The following MARCHF3 variants were observed in gnomAD, a reference collection of about 807,000 sequenced individuals.
The protein encoded by MARCHF3 is E3 ubiquitin-protein ligase MARCHF3.
A neutral mutation model predicts 24.2 loss-of-function variants in MARCHF3; 13 were observed. The observed-to-expected ratio is 0.54, with a 90% CI of 0.35 to 0.85. MARCHF3 has a LOEUF of 0.85. Among genes scored for constraint, MARCHF3 ranks in the 40% least tolerant of loss-of-function variants. The probability of loss-of-function intolerance (pLI) is 0.01; values close to 1 mark genes in which losing one functional copy is unlikely to be tolerated. For synonymous variants in MARCHF3, 144 were observed against 137.3 expected, an observed-to-expected ratio of 1.05 and a Z score of -0.34; for missense variants, 276 against 325.0, an observed-to-expected ratio of 0.85 and a Z score of 1.16.
intron 1 of MARCHF3, among the ~76,000 whole-genome samples, chr5:127,024,173 G>C (rs896384829): frequency 1.3e-5 from 2 of 152,222 alleles, no homozygotes; most frequent in Non-Finnish European, 2.9e-5. Context: ...GGACTTTGGA[G>C]ATGGATGGAG....
chr5:126,983,033 G>A (rs1253751132), intron 1 of MARCHF3, among the ~76,000 whole-genome samples: 1 of 152,174 alleles, frequency 6.6e-6, no homozygotes, highest in African/African-American at 2.4e-5. Context: ...TTAAAAGATA[G>A]GAGAAGCAGT....
Position 126,925,850 on chromosome 5 carries a change from T to C in MARCHF3, c.-56-7623A>G, listed in dbSNP as rs1191703833. Among the ~76,000 whole-genome samples, 5 of 152,192 alleles carry C rather than the reference T, an allele frequency of 3.3e-5. No homozygotes were observed. The East Asian group carries it at 9.6e-4, about 29-fold the overall frequency. On this transcript the variant is annotated intron_variant, in intron 1 of 4. Coordinates refer to ENST00000308660, the MANE Select transcript of MARCHF3 (RefSeq NM_178450.5). Reference sequence around the variant, plus strand: ...AGGGATGAAAAATTAAAATGTACTCTTCAAATGATATTCAGTGTGACCAGC... The same window carrying C: ...AGGGATGAAAAATTAAAATGTACTCCTCAAATGATATTCAGTGTGACCAGC...
intron 3 of MARCHF3, among the ~76,000 whole-genome samples, chr5:126,890,858 G>A (rs1353714393): frequency 9.5e-5 from 14 of 147,824 alleles, no homozygotes; most frequent in African/African-American, 2.4e-4. Flanking sequence ...CTGAGGAATC[G>A]CCACACTGAC....
intron 1 of MARCHF3, among the ~76,000 whole-genome samples, chr5:126,972,654 C>T (rs926744880): frequency 2.0e-5 from 3 of 152,230 alleles, no homozygotes; most frequent in African/African-American, 4.8e-5. Context: ...CCATCCACTT[C>T]CACCCCCAAC....
chr5:126,921,053 G>T (rs1320360165), intron 1 of MARCHF3, among the ~76,000 whole-genome samples: 1 of 151,532 alleles, frequency 6.6e-6, no homozygotes, highest in Non-Finnish European at 1.5e-5. Context: ...CTGCATCCAA[G>T]ATCCTCTAAG....
At chr5:126,949,106 C>T (rs1394215546) in intron 1 of MARCHF3, among the ~76,000 whole-genome samples, 1 of 152,120 alleles carries the variant, frequency 6.6e-6, no homozygotes, top group African/African-American at 2.4e-5. Context: ...GGAGGAAATA[C>T]CTTAAAAGAC....
chr5:126,890,280 G>A (rs927715419), intron 3 of MARCHF3, among the ~76,000 whole-genome samples: 19 of 150,594 alleles, frequency 1.3e-4, no homozygotes, highest in African/African-American at 2.7e-4. Context: ...TTGAGGTAAT[G>A]GTATGTTTTC....
intron 1 of MARCHF3, among the ~76,000 whole-genome samples, chr5:126,936,208 G>A (rs1749641720): frequency 6.6e-6 from 1 of 152,078 alleles, no homozygotes; most frequent in African/African-American, 2.4e-5. Context: ...TTTCCTTTTA[G>A]AAACTGATTT....
At chr5:126,906,193 T>C (rs1754287756) in intron 3 of MARCHF3, among the ~76,000 whole-genome samples, 1 of 151,382 alleles carries the variant, frequency 6.6e-6, no homozygotes, top group Non-Finnish European at 1.5e-5. Context: ...ATAAGCTTTT[T>C]GATGTGCTGC....
At chr5:126,992,766 ATTTTTTTTT>A (rs757479478) in intron 1 of MARCHF3, among the ~76,000 whole-genome samples, 1 of 95,522 alleles carries the variant, frequency 1.0e-5, no homozygotes, top group Non-Finnish European at 2.0e-5. Context: ...CATCCACGTG[ATTTTTTTTT>A]TTTTTTTTTT....
At chr5:126,976,971 A>G (rs542008345) in intron 1 of MARCHF3, among the ~76,000 whole-genome samples, 2 of 152,330 alleles carry the variant, frequency 1.3e-5, no homozygotes, top group East Asian at 3.9e-4. Flanking sequence ...AGGAAGGTCT[A>G]TGTATATGAG....
At position 126,975,107 on chromosome 5, in the gene MARCHF3, C is replaced by A. The variant is rs187673777; in HGVS notation, c.-57+55243G>T. Among the ~76,000 whole-genome samples the A allele has an allele frequency of 1.8e-4, 27 of 152,286 alleles. 1 individual carries two copies. In the East Asian group the frequency reaches 5.2e-3, roughly 29 times the overall value. On this transcript the variant is annotated intron_variant, in intron 1 of 4. Coordinates refer to ENST00000308660, the MANE Select transcript of MARCHF3 (RefSeq NM_178450.5). Reference sequence around the variant, plus strand: ...GAGTAGCTGGGACTATAGGCGCATGCCACCACACCCAGCTAATTTTTGTAT... The same window carrying A: ...GAGTAGCTGGGACTATAGGCGCATGACACCACACCCAGCTAATTTTTGTAT...
intron 1 of MARCHF3, among the ~76,000 whole-genome samples, chr5:126,937,889 A>T (rs1015340314): frequency 1.2e-4 from 18 of 152,154 alleles, no homozygotes; most frequent in South Asian, 6.2e-4. Flanking sequence ...CCACAAAAAA[A>T]CTCCTGAGTT....
chr5:126,901,778 C>G (rs778360844), intron 3 of MARCHF3, among the ~76,000 whole-genome samples: 12 of 152,064 alleles, frequency 7.9e-5, no homozygotes, highest in Non-Finnish European at 1.5e-4. Flanking sequence ...CAACCAGGTG[C>G]CTTGTACCCA....
At chr5:127,003,162 G>C (rs1213059702) in intron 1 of MARCHF3, among the ~76,000 whole-genome samples, 6 of 151,962 alleles carry the variant, frequency 3.9e-5, no homozygotes, top group African/African-American at 1.2e-4. Context: ...TGGAAGCTTG[G>C]TAAGTGCGGT....
chr5:126,995,771 G>A (rs1751929972), intron 1 of MARCHF3, among the ~76,000 whole-genome samples: 2 of 152,108 alleles, frequency 1.3e-5, no homozygotes, highest in Admixed American at 1.3e-4. Flanking sequence ...CATTTATTAA[G>A]AATTCACTAA....
intron 4 of MARCHF3, among the ~76,000 whole-genome samples, chr5:126,872,149 G>A (rs1580584355): frequency 7.4e-6 from 1 of 135,976 alleles, no homozygotes; most frequent in African/African-American, 2.8e-5. Flanking sequence ...GCGCGATCTC[G>A]GCTCACCGCA....
intron 1 of MARCHF3, chr5:126,946,359 G>A (rs1451643856): frequency 8.2e-6 from 1 of 121,680 alleles, no homozygotes; most frequent in African/African-American, 3.1e-5. Context: ...GCCATAGAGC[G>A]AGATTCTGTC....
At chr5:126,978,107 T>C (rs774430979) in intron 1 of MARCHF3, among the ~76,000 whole-genome samples, 1 of 152,252 alleles carries the variant, frequency 6.6e-6, no homozygotes, top group Admixed American at 6.5e-5. Flanking sequence ...TTGAGTATTG[T>C]ATGTTGGGAA....
Sources: gnomAD v4.1 joint callset for allele counts (sites outside exome capture counted in the v4.1 genomes callset) on GRCh38, gnomAD v4.1.1 for gene constraint, MANE v1.5 for transcripts, NCBI Gene and HGNC (gene_info 2026-07-23, HGNC 2026-07-21) for gene names.